Variants in SAMD5 observed in about 807,000 individuals in gnomAD.
SAMD5 encodes sterile alpha motif domain containing 5, also known as sterile alpha motif domain-containing protein 5.
SAMD5 carries 13 observed loss-of-function variants against 11.3 expected under a neutral mutation model. The ratio of observed to expected loss-of-function variants is 1.15; its 90% CI spans 0.75 to 1.83. The LOEUF (loss-of-function observed/expected upper bound fraction) is 1.83, where lower values mean the gene tolerates loss of function less well. Among genes scored for constraint, SAMD5 ranks in the 40% most tolerant of loss-of-function variants. The probability of loss-of-function intolerance (pLI) is 0.00; values close to 1 mark genes in which losing one functional copy is unlikely to be tolerated. For missense variants in SAMD5, 255 were observed against 239.1 expected (o/e 1.07, Z -0.44); for synonymous variants, 129 against 111.3 (o/e 1.16, Z -1.00).
At chr6:147,894,979 A>G in the SAMD5 span, among the ~76,000 whole-genome samples, 1 of 152,218 alleles carries the variant, frequency 6.6e-6, no homozygotes, top group Non-Finnish European at 1.5e-5. Context: ...CTCAAGGCAA[A>G]GTGGAATTTT....
At chr6:147,773,434 A>T in the SAMD5 span, among the ~76,000 whole-genome samples, 2 of 152,210 alleles carry the variant, frequency 1.3e-5, no homozygotes, top group Non-Finnish European at 1.5e-5. Context: ...GAAGTGTCAT[A>T]GTCCATCTGG....
the SAMD5 span, among the ~76,000 whole-genome samples, chr6:147,938,652 G>A: frequency 0.096 from 14,552 of 152,250 alleles, 918 homozygotes; most frequent in South Asian, 0.13. Context: ...ATTATTTCAA[G>A]GATGGCACTG....
chr6:147,810,880 A>G, the SAMD5 span, among the ~76,000 whole-genome samples: 4 of 152,326 alleles, frequency 2.6e-5, no homozygotes, highest in East Asian at 5.8e-4. Context: ...TATAAAATAC[A>G]GTGTATTCAT....
intron 1 of SAMD5, among the ~76,000 whole-genome samples, chr6:147,537,609 G>GC (rs1247061096): frequency 2.0e-5 from 3 of 151,424 alleles, no homozygotes; most frequent in South Asian, 4.2e-4. Context: ...AAAAAAATTA[G>GC]CGGGCGTGGT....
chr6:147,672,939 A>G (rs1449005610), intron 1 of SAMD5, among the ~76,000 whole-genome samples: 1 of 152,202 alleles, frequency 6.6e-6, no homozygotes, highest in Non-Finnish European at 1.5e-5. Flanking sequence ...TAGACCAAAC[A>G]GTATAGCATG....
intron 1 of SAMD5, among the ~76,000 whole-genome samples, chr6:147,708,016 C>T (rs1317672187): frequency 1.3e-5 from 2 of 152,140 alleles, no homozygotes; most frequent in African/African-American, 4.8e-5. Context: ...CCCAAATTTC[C>T]TCACCTGTAA....
At chr6:147,788,634 G>A in the SAMD5 span, among the ~76,000 whole-genome samples, 9 of 152,304 alleles carry the variant, frequency 5.9e-5, no homozygotes, top group South Asian at 1.0e-3. Context: ...TTGATATAGC[G>A]TAGTGGTTAA....
chr6:147,868,921 C>T, the SAMD5 span, among the ~76,000 whole-genome samples: 1 of 152,108 alleles, frequency 6.6e-6, no homozygotes, highest in African/African-American at 2.4e-5. Context: ...AAAATAAGTA[C>T]TCTAGAAGTA....
At chr6:147,763,499 C>T in the SAMD5 span, among the ~76,000 whole-genome samples, 2 of 150,358 alleles carry the variant, frequency 1.3e-5, no homozygotes. Flanking sequence ...AGAGTCTATG[C>T]TCTATTCATA....
chr6:147,555,106 T>C (rs183018847), intron 1 of SAMD5, among the ~76,000 whole-genome samples: 1 of 152,210 alleles, frequency 6.6e-6, no homozygotes, highest in African/African-American at 2.4e-5. Context: ...AAAATAGCCT[T>C]GATGAAGCAG....
chr6:147,914,118 T>C, the SAMD5 span, among the ~76,000 whole-genome samples: 1 of 151,668 alleles, frequency 6.6e-6, no homozygotes, highest in African/African-American at 2.4e-5. Context: ...CAGCACAAAT[T>C]CATAAACTTC....
chr6:147,708,752 G>T (rs993195005), intron 1 of SAMD5, among the ~76,000 whole-genome samples: 3 of 152,180 alleles, frequency 2.0e-5, no homozygotes, highest in Non-Finnish European at 4.4e-5. Context: ...CTTTGTGGTT[G>T]TCTTTTGGGG....
the SAMD5 span, among the ~76,000 whole-genome samples, chr6:147,816,663 A>G: frequency 1.3e-5 from 2 of 152,138 alleles, no homozygotes; most frequent in Admixed American, 1.3e-4. Context: ...CATTTTATAA[A>G]TGGAAAATAT....
the SAMD5 span, among the ~76,000 whole-genome samples, chr6:147,769,510 T>A: frequency 1.3e-5 from 2 of 152,234 alleles, no homozygotes; most frequent in Non-Finnish European, 2.9e-5. Flanking sequence ...GGGTATAATG[T>A]CACTTTCCTC....
the SAMD5 span, among the ~76,000 whole-genome samples, chr6:147,836,381 C>T: frequency 6.6e-6 from 1 of 152,138 alleles, no homozygotes; most frequent in East Asian, 1.9e-4. Context: ...TATAGATGCT[C>T]CTTGACTTGC....
At chr6:147,630,891 G>A (rs1322619433) in intron 1 of SAMD5, among the ~76,000 whole-genome samples, 3 of 152,096 alleles carry the variant, frequency 2.0e-5, no homozygotes, top group Non-Finnish European at 4.4e-5. Flanking sequence ...GCCAGTGATG[G>A]ACTCGGGAAG....
At chr6:147,921,187 G>A in the SAMD5 span, among the ~76,000 whole-genome samples, 5 of 151,854 alleles carry the variant, frequency 3.3e-5, no homozygotes, top group Non-Finnish European at 5.9e-5. Context: ...ACAGTCAAAC[G>A]GGAAAACCAC....
chr6:147,703,528 C>A (rs550272480), intron 1 of SAMD5, among the ~76,000 whole-genome samples: 7 of 152,180 alleles, frequency 4.6e-5, no homozygotes, highest in Non-Finnish European at 1.0e-4. Context: ...TCATGCAAAA[C>A]CTCAAAGAAT....
At chr6:147,759,309 T>A in the SAMD5 span, among the ~76,000 whole-genome samples, 2 of 152,172 alleles carry the variant, frequency 1.3e-5, no homozygotes, top group Admixed American at 6.6e-5. Flanking sequence ...ACCATCTGTC[T>A]GCCTAGCTTT....
Sources: allele counts gnomAD v4.1 joint callset (sites outside exome capture counted in the v4.1 genomes callset), GRCh38; gene constraint gnomAD v4.1.1; transcripts MANE v1.5; gene names NCBI Gene and HGNC (gene_info 2026-07-23, HGNC 2026-07-21).